Variants in DENND1B observed in about 807,000 individuals in gnomAD.
The protein encoded by DENND1B is DENN domain-containing protein 1B.
A neutral mutation model predicts 90.1 loss-of-function variants in DENND1B; 59 were observed. That is an observed-to-expected ratio of 0.65 (90% CI 0.53 to 0.81). DENND1B has a LOEUF of 0.81. DENND1B is among the 40% of genes least tolerant of loss of function. The probability of loss-of-function intolerance (pLI) is 0.00; values close to 1 mark genes in which losing one functional copy is unlikely to be tolerated. For synonymous variants in DENND1B, 337 were observed against 324.6 expected, an observed-to-expected ratio of 1.04 and a Z score of -0.41; for missense variants, 862 against 912.6, an observed-to-expected ratio of 0.94 and a Z score of 0.71.
intron 2 of DENND1B, among the ~76,000 whole-genome samples, chr1:197,756,616 A>G (rs941974569): frequency 4.0e-5 from 6 of 151,288 alleles, no homozygotes; most frequent in Non-Finnish European, 5.9e-5. Context: ...TGCCCCCATT[A>G]AACAATTAGA....
chr1:197,551,157 C>A (rs766074418), intron 16 of DENND1B, among the ~76,000 whole-genome samples: 1 of 151,322 alleles, frequency 6.6e-6, no homozygotes, highest in Non-Finnish European at 1.5e-5. Flanking sequence ...TAGAACACTG[C>A]TAATTTTTAT....
chr1:197,685,323 A>C (rs1657122518), intron 3 of DENND1B, among the ~76,000 whole-genome samples: 1 of 152,178 alleles, frequency 6.6e-6, no homozygotes, highest in South Asian at 2.1e-4. Context: ...AAAGCTGTCT[A>C]TACCTGGTGG....
chr1:197,623,636 A>T (rs1678376165), intron 10 of DENND1B, among the ~76,000 whole-genome samples: 1 of 151,540 alleles, frequency 6.6e-6, no homozygotes, highest in South Asian at 2.1e-4. Context: ...CAGAAAGTAC[A>T]GAAATGTCCC....
chr1:197,535,234 T>C (rs1669789922), intron 20 of DENND1B, among the ~76,000 whole-genome samples: 2 of 152,206 alleles, frequency 1.3e-5, no homozygotes, highest in Admixed American at 6.5e-5. Context: ...GTGGTACAAA[T>C]TTCCAGCCTC....
intron 20 of DENND1B, among the ~76,000 whole-genome samples, chr1:197,535,735 T>C (rs1019626102): frequency 6.6e-6 from 1 of 152,184 alleles, no homozygotes; most frequent in East Asian, 1.9e-4. Flanking sequence ...CTGCCCTTCC[T>C]GTGTCCTTGG....
At chr1:197,698,940 G>A (rs1027013225) in intron 3 of DENND1B, among the ~76,000 whole-genome samples, 2 of 152,036 alleles carry the variant, frequency 1.3e-5, no homozygotes, top group Non-Finnish European at 2.9e-5. Flanking sequence ...ACCAAAAAAA[G>A]CCCAGGACCA....
intron 22 of DENND1B, 122 bp downstream of exon 22, chr1:197,511,606 T>C: frequency 1.8e-6 from 1 of 558,116 alleles, no homozygotes; most frequent in South Asian, 5.7e-5. Flanking sequence ...ATTTTTGAAG[T>C]TTTGACCCTT....
chr1:197,538,327 C>T (rs1006973103), intron 20 of DENND1B, among the ~76,000 whole-genome samples: 2 of 151,988 alleles, frequency 1.3e-5, no homozygotes, highest in Non-Finnish European at 2.9e-5. Flanking sequence ...ACAGAAAAAT[C>T]AATAGCAAAT....
At chr1:197,771,363 C>G (rs1256019601) in intron 2 of DENND1B, among the ~76,000 whole-genome samples, 1 of 152,096 alleles carries the variant, frequency 6.6e-6, no homozygotes, top group African/African-American at 2.4e-5. Context: ...TCCATTCTAC[C>G]TAATATATCC....
chr1:197,595,207 C>T lies in DENND1B; in HGVS notation c.1047+1G>A. On this transcript the variant is annotated splice_donor_variant, in intron 14 of 22. Transcript: ENST00000620048. LOFTEE classifies it high-confidence loss of function. The stretch of plus-strand genomic sequence containing the variant: ...AAACAGTGATGAAACAAAACGCTTA[C>T]AGGTTTGTATCTCAGTGCATCTCTG... 1 of 1,607,610 alleles carries T rather than the reference C, an allele frequency of 6.2e-7. No homozygotes were observed. The highest frequency in any genetic ancestry group is 8.5e-7 in the Non-Finnish European group (1 of 1,177,528).
At chr1:197,577,103 CTT>C (rs1209983881) in intron 15 of DENND1B, among the ~76,000 whole-genome samples, 1 of 151,920 alleles carries the variant, frequency 6.6e-6, no homozygotes, top group Admixed American at 6.6e-5. Context: ...GGAGTACAGA[CTT>C]AGTGAGGGGG....
At chr1:197,581,801 C>G (rs1287186922) in intron 15 of DENND1B, among the ~76,000 whole-genome samples, 1 of 152,070 alleles carries the variant, frequency 6.6e-6, no homozygotes, top group Non-Finnish European at 1.5e-5. Flanking sequence ...ATCCCTAACC[C>G]CCATATAATT....
chr1:197,657,409 C>T (rs1293289060), intron 6 of DENND1B, among the ~76,000 whole-genome samples: 1 of 152,122 alleles, frequency 6.6e-6, no homozygotes, highest in African/African-American at 2.4e-5. Context: ...GCATTTATCC[C>T]AGGTTGTAAT....
At chr1:197,552,903 T>C (rs1671359332) in intron 16 of DENND1B, 119 bp downstream of exon 16, 1 of 1,510,122 alleles carries the variant, frequency 6.6e-7, no homozygotes, top group African/African-American at 1.5e-5. Flanking sequence ...ATTTAAGACA[T>C]TACATATTTA....
At chr1:197,570,342 C>T (rs979549876) in intron 15 of DENND1B, among the ~76,000 whole-genome samples, 5 of 152,008 alleles carry the variant, frequency 3.3e-5, no homozygotes, top group Admixed American at 3.3e-4. Context: ...ATGATCTCCC[C>T]TCTCCAAAAC....
chr1:197,588,117 C>T (rs1273556068), intron 14 of DENND1B, among the ~76,000 whole-genome samples: 2 of 152,168 alleles, frequency 1.3e-5, no homozygotes, highest in Non-Finnish European at 2.9e-5. Flanking sequence ...GCTGGGGATC[C>T]CTGCCCTGCA....
intron 2 of DENND1B, among the ~76,000 whole-genome samples, chr1:197,771,827 C>A (rs1280793184): frequency 6.6e-6 from 1 of 152,126 alleles, no homozygotes; most frequent in Non-Finnish European, 1.5e-5. Flanking sequence ...CTTTAAGTAT[C>A]TAGAAAGACA....
intron 2 of DENND1B, among the ~76,000 whole-genome samples, chr1:197,748,389 C>G (rs1356135027): frequency 6.6e-6 from 1 of 152,084 alleles, no homozygotes; most frequent in Non-Finnish European, 1.5e-5. Context: ...ACAGTGGCCT[C>G]TCAAAGATAT....
At chr1:197,699,149 T>C (rs1469930700) in intron 3 of DENND1B, among the ~76,000 whole-genome samples, 3 of 152,072 alleles carry the variant, frequency 2.0e-5, no homozygotes, top group Non-Finnish European at 4.4e-5. Context: ...TGAACACCAA[T>C]GCGAAAAATC....
Sources: gnomAD v4.1 joint callset for allele counts (sites outside exome capture counted in the v4.1 genomes callset) on GRCh38, gnomAD v4.1.1 for gene constraint, MANE v1.5 for transcripts, NCBI Gene and HGNC (gene_info 2026-07-23, HGNC 2026-07-21) for gene names.